Variants in AUTS2 observed in about 807,000 individuals in gnomAD.
AUTS2 encodes the protein autism susceptibility gene 2 protein.
A neutral mutation model predicts 112.4 loss-of-function variants in AUTS2; 17 were observed. The ratio of observed to expected loss-of-function variants is 0.15; its 90% CI spans 0.10 to 0.23. The LOEUF (loss-of-function observed/expected upper bound fraction) is 0.23, where lower values mean the gene tolerates loss of function less well. AUTS2 is among the 10% of genes least tolerant of loss of function. The pLI, the probability that AUTS2 is intolerant of heterozygous loss-of-function variation, is 1.00. For missense variants in AUTS2, 1,510 were observed against 1,701.6 expected, an observed-to-expected ratio of 0.89 and a Z score of 1.98; for synonymous variants, 751 against 702.7, an observed-to-expected ratio of 1.07 and a Z score of -1.09.
chr7:70,765,003 C>T lies in AUTS2; in HGVS notation c.1466C>T (p.Ser489Leu). The change falls in exon 8 of 19, where the codon TCA becomes TTA. Residue 489 changes from serine to leucine, a missense_variant and splice_region_variant. This residue lies in a region of AUTS2 where 187 missense variants were observed against 309.7 expected (regional missense o/e 0.60). Transcript: ENST00000342771. ...GGACACCCGGCCGGGAGCACTTACTCAGGTAGGACGGAGGGGCCTGTGCTC... is the reference window on the plus strand; with the variant it reads ...GGACACCCGGCCGGGAGCACTTACTTAGGTAGGACGGAGGGGCCTGTGCTC... ...VAGHPAGSTY[S>L]EQDILRQELN... 6.2e-7 allele frequency: 1 copy of T among 1,613,906 alleles called. No individual in the cohort carries two copies. The highest frequency in any genetic ancestry group is 2.2e-5 in the East Asian group (1 of 44,842).
At chr7:70,183,662 G>GAAA (rs1166738712) in intron 4 of AUTS2, among the ~76,000 whole-genome samples, 3 of 152,208 alleles carry the variant, frequency 2.0e-5, no homozygotes, top group African/African-American at 7.2e-5. Context: ...ATCACCCTTT[G>GAAA]GGTCAAGTGC....
At chr7:70,672,367 A>G (rs1261440493) in intron 5 of AUTS2, among the ~76,000 whole-genome samples, 1 of 152,230 alleles carries the variant, frequency 6.6e-6, no homozygotes, top group East Asian at 1.9e-4. Context: ...CAAGAGAATA[A>G]TAATAGTATT....
At chr7:69,933,677 G>T (rs1042773918) in intron 2 of AUTS2, among the ~76,000 whole-genome samples, 20 of 151,528 alleles carry the variant, frequency 1.3e-4, no homozygotes, top group African/African-American at 4.4e-4. Flanking sequence ...TTTGTTTTTT[G>T]TTTTTTGGTA....
At chr7:70,242,056 G>T (rs537260447) in intron 4 of AUTS2, among the ~76,000 whole-genome samples, 3 of 152,262 alleles carry the variant, frequency 2.0e-5, no homozygotes, top group South Asian at 2.1e-4. Flanking sequence ...GCACAATTCC[G>T]CAATGGCCTC....
rs142274543 is a variant in AUTS2 at position 70,226,238 on chromosome 7, A to G, written c.660+91667A>G. 1.5e-3 allele frequency among the ~76,000 whole-genome samples: 231 copies of G among 152,150 alleles called. 1 individual carries two copies. The highest frequency in any genetic ancestry group is 4.7e-3 in the African/African-American group (194 of 41,516). The stretch of plus-strand genomic sequence containing the variant: ...AGTCTCACTCTGTCACCCAGTCTGG[A>G]GTACAGTAGAGCAATCTTGGCTCAC... On this transcript the variant is annotated intron_variant, in intron 4 of 18. Transcript: ENST00000342771.
intron 5 of AUTS2, among the ~76,000 whole-genome samples, chr7:70,554,627 T>C (rs1801171079): frequency 6.6e-6 from 1 of 152,094 alleles, no homozygotes. Flanking sequence ...TCTCGGGAGA[T>C]TTCTCTTACC....
chr7:70,582,448 T>C (rs1441650681), intron 5 of AUTS2, among the ~76,000 whole-genome samples: 1 of 152,146 alleles, frequency 6.6e-6, no homozygotes, highest in Non-Finnish European at 1.5e-5. Context: ...GGAGAGTATG[T>C]ATATTTGTTC....
At chr7:70,764,156 TTTTCCTA>T (rs1314843520) in intron 7 of AUTS2, among the ~76,000 whole-genome samples, 1 of 152,070 alleles carries the variant, frequency 6.6e-6, no homozygotes, top group African/African-American at 2.4e-5. Context: ...GGGCCTTGCT[TTTTCCTA>T]AGAGGGGAAA....
At chr7:69,766,998 A>G (rs1788448085) in intron 1 of AUTS2, among the ~76,000 whole-genome samples, 1 of 152,226 alleles carries the variant, frequency 6.6e-6, no homozygotes, top group Non-Finnish European at 1.5e-5. Context: ...ACACCCTGCT[A>G]CTATATGCTT....
intron 1 of AUTS2, among the ~76,000 whole-genome samples, chr7:69,676,629 G>C (rs1455739319): frequency 6.6e-6 from 1 of 152,082 alleles, no homozygotes; most frequent in Non-Finnish European, 1.5e-5. Flanking sequence ...TATTAGAATG[G>C]TAAGACATTT....
At position 70,585,796 on chromosome 7, in the gene AUTS2, T is replaced by C. The variant is rs1303831371; in HGVS notation, c.691-112773T>C. Among the ~76,000 whole-genome samples, 5 of 152,316 alleles carry C rather than the reference T, an allele frequency of 3.3e-5. No individual in the cohort carries two copies. The East Asian group carries it at 9.6e-4, about 29-fold the overall frequency. ...ATTAGAATCTCTTGTTTAAAAGTTG[T>C]GGAAGGCTACATGTGGGACAAAACC... On this transcript the variant is annotated intron_variant, in intron 5 of 18. Transcript: ENST00000342771.
chr7:70,588,032 G>A lies in AUTS2; in HGVS notation c.691-110537G>A, dbSNP rs560893384. ...ATTTTTGTGGCCTAGGTGTTAAATAGGTTCTTCAACAACACCTCGGCCAAC... is the reference window on the plus strand; with the variant it reads ...ATTTTTGTGGCCTAGGTGTTAAATAAGTTCTTCAACAACACCTCGGCCAAC... On this transcript the variant is annotated intron_variant, in intron 5 of 18. Coordinates refer to ENST00000342771, the MANE Select transcript of AUTS2 (RefSeq NM_015570.4). Among the ~76,000 whole-genome samples, 3 of 152,272 alleles carry A rather than the reference G, an allele frequency of 2.0e-5. No individual in the cohort carries two copies. In the East Asian group the frequency reaches 5.8e-4, roughly 29 times the overall value.
chr7:69,983,288 G>GTATTATATTTTATTTTTTTTT (rs1798371851), intron 2 of AUTS2, among the ~76,000 whole-genome samples: 2 of 148,342 alleles, frequency 1.3e-5, no homozygotes, highest in Non-Finnish European at 3.0e-5. Context: ...TCTCTGTGGG[G>GTATTATATTTTATTTTTTTTT]TTTTATTATA....
intron 2 of AUTS2, among the ~76,000 whole-genome samples, chr7:69,921,762 TAAAAA>T (rs35008506): frequency 9.9e-6 from 1 of 100,554 alleles, no homozygotes. Flanking sequence ...ACTCTGTCTT[TAAAAA>T]AAAAAAAAAA....
intron 1 of AUTS2, among the ~76,000 whole-genome samples, chr7:69,887,413 C>CAAAAA (rs142082810): frequency 7.6e-5 from 4 of 52,974 alleles, no homozygotes; most frequent in Non-Finnish European, 1.7e-4. Context: ...AAGACTTCAT[C>CAAAAA]AAAAAAAAAA....
intron 4 of AUTS2, among the ~76,000 whole-genome samples, chr7:70,280,085 A>G (rs551422243): frequency 1.2e-3 from 178 of 152,274 alleles, no homozygotes; most frequent in African/African-American, 4.1e-3. Flanking sequence ...GGAGAGGTCA[A>G]TTAAATGATG....
intron 5 of AUTS2, among the ~76,000 whole-genome samples, chr7:70,450,659 T>C (rs145803147): frequency 1.3e-5 from 2 of 152,244 alleles, no homozygotes; most frequent in African/African-American, 4.8e-5. Context: ...GGGTACCTTA[T>C]GTAGGTGAAT....
At chr7:69,608,144 G>T (rs1255879514) in intron 1 of AUTS2, among the ~76,000 whole-genome samples, 2 of 152,108 alleles carry the variant, frequency 1.3e-5, no homozygotes, top group Non-Finnish European at 1.5e-5. Flanking sequence ...ATGTTGCCCA[G>T]GCTGGTTTCA....
In AUTS2 at chr7:70,308,771, A is replaced by G. The variant is rs1404115389; in HGVS notation, c.661-126981A>G. Among the ~76,000 whole-genome samples the G allele has an allele frequency of 2.0e-5, 3 of 152,180 alleles. No individual in the cohort carries two copies. In the South Asian group the frequency reaches 6.2e-4, roughly 31 times the overall value. On this transcript the variant is annotated intron_variant, in intron 4 of 18. Transcript: ENST00000342771. ...TCCTTTCTCAGACATGTGCCGAAAC[A>G]TCTATACACATATTAATTTTTTTTT...
Sources: gnomAD v4.1 joint callset for allele counts (sites outside exome capture counted in the v4.1 genomes callset) on GRCh38, gnomAD v4.1.1 for gene constraint, gnomAD v4.1.1 regional missense constraint, MANE v1.5 for transcripts, NCBI Gene and HGNC (gene_info 2026-07-23, HGNC 2026-07-21) for gene names.